Variants in IMMP2L observed in about 807,000 individuals in gnomAD.
IMMP2L encodes the protein mitochondrial inner membrane protease subunit 2.
IMMP2L carries 18 observed loss-of-function variants against 19.3 expected under a neutral mutation model. That is an observed-to-expected ratio of 0.93 (90% confidence interval 0.64 to 1.38). The LOEUF (loss-of-function observed/expected upper bound fraction) is 1.38, where lower values mean the gene tolerates loss of function less well. Among genes scored for constraint, IMMP2L ranks in the 40% most tolerant of loss-of-function variants. The pLI, the probability that IMMP2L is intolerant of heterozygous loss-of-function variation, is 0.00. For missense variants in IMMP2L, 233 were observed against 218.2 expected, an observed-to-expected ratio of 1.07 and a Z score of -0.43; for synonymous variants, 76 against 73.0, an observed-to-expected ratio of 1.04 and a Z score of -0.21.
intron 5 of IMMP2L, among the ~76,000 whole-genome samples, chr7:110,831,669 T>C (rs1803981338): frequency 6.6e-6 from 1 of 152,106 alleles, no homozygotes. Flanking sequence ...AATATTTCAA[T>C]AAAGGGTTGC....
intron 1 of IMMP2L, among the ~76,000 whole-genome samples, chr7:111,538,248 C>G (rs1440893779): frequency 4.6e-5 from 7 of 152,052 alleles, no homozygotes; most frequent in Non-Finnish European, 1.0e-4. Context: ...AATTAATTAA[C>G]CACTTAGCTG....
chr7:110,828,987 T>C (rs1377468921), intron 5 of IMMP2L, among the ~76,000 whole-genome samples: 2 of 152,212 alleles, frequency 1.3e-5, no homozygotes, highest in Non-Finnish European at 2.9e-5. Context: ...AAGTTATTGC[T>C]AATAACAATG....
chr7:111,282,578 C>CT (rs1312576672), intron 3 of IMMP2L, among the ~76,000 whole-genome samples: 1 of 151,878 alleles, frequency 6.6e-6, no homozygotes, highest in African/African-American at 2.4e-5. Flanking sequence ...TTAAATAACT[C>CT]TTTTTTTGAT....
intron 3 of IMMP2L, among the ~76,000 whole-genome samples, chr7:111,105,569 CT>C (rs1264886813): frequency 1.3e-5 from 2 of 151,834 alleles, no homozygotes; most frequent in African/African-American, 4.8e-5. Flanking sequence ...TGCAATTTAG[CT>C]GGCTGGGGGG....
At chr7:110,787,879 T>A (rs1234624949) in intron 5 of IMMP2L, among the ~76,000 whole-genome samples, 2 of 151,900 alleles carry the variant, frequency 1.3e-5, no homozygotes, top group Admixed American at 6.6e-5. Flanking sequence ...ATTAAGAGAA[T>A]GGAGTAGGCT....
intron 3 of IMMP2L, among the ~76,000 whole-genome samples, chr7:111,197,408 A>G (rs1809624905): frequency 2.0e-5 from 3 of 152,184 alleles, no homozygotes; most frequent in South Asian, 2.1e-4. Context: ...GCTTGCAGTG[A>G]GCTGAGATCA....
intron 5 of IMMP2L, among the ~76,000 whole-genome samples, chr7:110,852,773 C>T (rs1170692280): frequency 1.3e-5 from 2 of 151,862 alleles, no homozygotes; most frequent in Admixed American, 6.6e-5. Flanking sequence ...CAATAGAAAC[C>T]CCGGCCACAT....
intron 5 of IMMP2L, among the ~76,000 whole-genome samples, chr7:110,772,493 A>G (rs1349863730): frequency 2.0e-5 from 3 of 152,054 alleles, no homozygotes; most frequent in East Asian, 1.9e-4. Flanking sequence ...TTACTTTTCC[A>G]TAGTTTCCAC....
At chr7:110,950,933 A>G (rs1467728645) in intron 4 of IMMP2L, among the ~76,000 whole-genome samples, 1 of 149,286 alleles carries the variant, frequency 6.7e-6, no homozygotes, top group Non-Finnish European at 1.5e-5. Context: ...TGAACTTCAA[A>G]TATTTTTCAA....
intron 3 of IMMP2L, among the ~76,000 whole-genome samples, chr7:111,060,417 A>G (rs1793914908): frequency 6.6e-6 from 1 of 152,206 alleles, no homozygotes; most frequent in African/African-American, 2.4e-5. Context: ...AATAATACTC[A>G]AGAATTCCAC....
chr7:110,779,704 G>T (rs1007421089), intron 5 of IMMP2L, among the ~76,000 whole-genome samples: 3 of 151,772 alleles, frequency 2.0e-5, no homozygotes, highest in Admixed American at 1.3e-4. Flanking sequence ...ACCTTGCAGG[G>T]CCCTAGGACA....
At chr7:111,368,146 A>T (rs1044126184) in intron 3 of IMMP2L, among the ~76,000 whole-genome samples, 2 of 151,858 alleles carry the variant, frequency 1.3e-5, no homozygotes, top group Admixed American at 1.3e-4. Context: ...TGGATATAGG[A>T]AAAAAGAGTT....
intron 3 of IMMP2L, among the ~76,000 whole-genome samples, chr7:111,125,817 CTT>C (rs1217257175): frequency 0.027 from 2,658 of 99,836 alleles, 16 homozygotes; most frequent in African/African-American, 0.099. Flanking sequence ...AGGCCGCTTG[CTT>C]TTTTTTTTTT....
intron 3 of IMMP2L, among the ~76,000 whole-genome samples, chr7:111,425,441 T>G (rs1197086440): frequency 7.3e-5 from 11 of 151,324 alleles, no homozygotes; most frequent in African/African-American, 2.7e-4. Flanking sequence ...AAACTATTCT[T>G]GAACTCTAGT....
At chr7:111,056,189 G>C (rs920657123) in intron 3 of IMMP2L, among the ~76,000 whole-genome samples, 7 of 152,054 alleles carry the variant, frequency 4.6e-5, no homozygotes, top group Non-Finnish European at 7.4e-5. Context: ...TGAAAATCTA[G>C]TAAAAATAAA....
At position 111,530,121 on chromosome 7, in the gene IMMP2L, G is replaced by A. The variant is rs183155438; in HGVS notation, c.-2-8672C>T. 5.3e-4 allele frequency among the ~76,000 whole-genome samples: 80 copies of A among 152,210 alleles called. 2 individuals are homozygous for A. Among genetic ancestry groups the A allele is most frequent in the African/African-American group, 1.8e-3 (73 of 41,530 alleles). On this transcript the variant is annotated intron_variant, in intron 1 of 5. Coordinates refer to ENST00000405709, the MANE Select transcript of IMMP2L (RefSeq NM_032549.4). Reference sequence around the variant, plus strand: ...TGAATCCAAGACCTCAGTTCAAATCGTGATTCAACAGTGTGGAAATTACTT... The same window carrying A: ...TGAATCCAAGACCTCAGTTCAAATCATGATTCAACAGTGTGGAAATTACTT...
chr7:111,271,323 T>C (rs890142067), intron 3 of IMMP2L, among the ~76,000 whole-genome samples: 5 of 152,140 alleles, frequency 3.3e-5, no homozygotes, highest in African/African-American at 7.2e-5. Flanking sequence ...CAGTCCTTTA[T>C]AGTACTGTGA....
chr7:111,524,350 A>G (rs1408229535), intron 1 of IMMP2L, among the ~76,000 whole-genome samples: 3 of 152,134 alleles, frequency 2.0e-5, no homozygotes, highest in African/African-American at 7.2e-5. Context: ...AGGAAAAAAA[A>G]TAGTTACTAC....
rs1439701395 is a variant in IMMP2L at position 111,275,641 on chromosome 7, CG to C, written c.239+211596del. Among the ~76,000 whole-genome samples, 41 of 152,184 alleles carry C rather than the reference CG, an allele frequency of 2.7e-4. 1 individual carries two copies. Among genetic ancestry groups the C allele is most frequent in the Middle Eastern group, 6.8e-3 (2 of 294 alleles). On this transcript the variant is annotated intron_variant, in intron 3 of 5. Coordinates refer to ENST00000405709, the MANE Select transcript of IMMP2L (RefSeq NM_032549.4). ...CAATTTTATAGGGATTGCACTGAAT[CG>C]GTAGATTTAATGATAATGATTCTTC...
Sources: allele counts gnomAD v4.1 joint callset (sites outside exome capture counted in the v4.1 genomes callset), GRCh38; gene constraint gnomAD v4.1.1; transcripts MANE v1.5; gene names NCBI Gene and HGNC (gene_info 2026-07-23, HGNC 2026-07-21).